Variants in NLK observed in about 807,000 individuals in gnomAD.
NLK encodes the protein nemo like kinase.
Under a neutral mutation model 59.0 loss-of-function variants are expected in NLK, and 11 were observed. The ratio of observed to expected loss-of-function variants is 0.19; its 90% CI spans 0.12 to 0.31. The LOEUF is 0.31. Among genes scored for constraint, NLK ranks in the 10% least tolerant of loss-of-function variants. The pLI is 1.00. For missense variants in NLK, 410 were observed against 661.1 expected, an observed-to-expected ratio of 0.62 and a Z score of 4.16; for synonymous variants, 235 against 235.9, an observed-to-expected ratio of 1.00 and a Z score of 0.03.
chr17:28,204,806 C>T, the NLK span, among the ~76,000 whole-genome samples: 2 of 152,140 alleles, frequency 1.3e-5, no homozygotes, highest in African/African-American at 2.4e-5. Context: ...TTTATTAACA[C>T]GAAATGATGT....
intron 8 of NLK, among the ~76,000 whole-genome samples, chr17:28,189,864 AGTATAC>A (rs1207375732): frequency 1.3e-5 from 2 of 152,274 alleles, no homozygotes; most frequent in Non-Finnish European, 2.9e-5. Flanking sequence ...AAGGTTATCA[AGTATAC>A]GTTTGCCTGT....
Position 28,191,225 on chromosome 17 carries a change from TA to T in NLK, c.1435+7del. On this transcript the variant is annotated splice_region_variant and intron_variant, in intron 9 of 10. Transcript: ENST00000407008. ...TTCTGTCCGACAGGTTAAAGGTGAG[TA>T]TCTGTTTTGGCCTTTGGCCAGGCAA... is the stretch of plus-strand genomic sequence containing the variant. The T allele has an allele frequency of 6.3e-7, 1 of 1,599,048 alleles. No homozygotes were observed. Among genetic ancestry groups the T allele is most frequent in the Non-Finnish European group, 8.5e-7 (1 of 1,173,868 alleles).
intron 2 of NLK, 53 bp downstream of exon 2, chr17:28,122,785 A>G (rs1006520516): frequency 4.4e-6 from 7 of 1,603,274 alleles, no homozygotes; most frequent in Non-Finnish European, 6.0e-6. Flanking sequence ...CCTGCATTGA[A>G]TTAGTAAAGA....
intron 1 of NLK, among the ~76,000 whole-genome samples, chr17:28,121,495 CTTTTTT>C (rs58647578): frequency 0.011 from 767 of 72,284 alleles, 5 homozygotes; most frequent in African/African-American, 0.043. Flanking sequence ...TCTTTCTTTT[CTTTTTT>C]TTTTTTTTTT....
intron 1 of NLK, among the ~76,000 whole-genome samples, chr17:28,119,867 TTC>T (rs1206511572): frequency 6.6e-6 from 1 of 152,200 alleles, no homozygotes; most frequent in Non-Finnish European, 1.5e-5. Context: ...TCTTTGTTGT[TTC>T]TGTCAAAAAT....
At chr17:28,131,153 G>A (rs538809387) in intron 2 of NLK, among the ~76,000 whole-genome samples, 42 of 152,140 alleles carry the variant, frequency 2.8e-4, no homozygotes, top group Middle Eastern at 3.4e-3. Flanking sequence ...ATGCTTGGCT[G>A]AAACAAGAAT....
intron 1 of NLK, among the ~76,000 whole-genome samples, chr17:28,104,972 A>G (rs558350402): frequency 2.6e-5 from 4 of 152,314 alleles, no homozygotes; most frequent in African/African-American, 7.2e-5. Context: ...CTGTTGCATT[A>G]TTGAATCCCA....
rs374223818 is a variant in NLK at position 28,175,429 on chromosome 17, C to T, written c.1149+2811C>T. ...TCACGCCACTGCACTCCAGCCTGGG[C>T]GACACAGCAAGACTTCGTCTCAAAA... On this transcript the variant is annotated intron_variant, in intron 7 of 10. Transcript: ENST00000407008. Among the ~76,000 whole-genome samples, 348 of 150,474 alleles carry T rather than the reference C, an allele frequency of 2.3e-3. 3 individuals carry two copies. Among genetic ancestry groups the T allele is most frequent in the African/African-American group, 8.0e-3 (327 of 40,876 alleles).
At chr17:28,202,263 G>A in the NLK span, among the ~76,000 whole-genome samples, 1 of 152,094 alleles carries the variant, frequency 6.6e-6, no homozygotes, top group Non-Finnish European at 1.5e-5. Flanking sequence ...AGCTGGACAT[G>A]GTAGTGCCTG....
At chr17:28,125,971 C>G (rs1906274839) in intron 2 of NLK, among the ~76,000 whole-genome samples, 1 of 152,150 alleles carries the variant, frequency 6.6e-6, no homozygotes. Flanking sequence ...ACGTAACTTG[C>G]CCAAGGTTAA....
chr17:28,043,172 G>A lies in NLK; in HGVS notation c.299G>A (p.Gly100Glu), dbSNP rs779792619. ...QQPYFPSPAP[G>E]QAPGPAAAAP... is the part of the protein sequence containing the mutation. Reference sequence around the variant, plus strand: ...CCATATTTCCCATCACCGGCACCGGGGCAGGCTCCTGGACCAGCTGCAGCA... The same window carrying A: ...CCATATTTCCCATCACCGGCACCGGAGCAGGCTCCTGGACCAGCTGCAGCA... The change falls in exon 1 of 11, where the codon GGG (glycine) becomes GAG (glutamate). Residue 100 changes from glycine (G) to glutamate (E), a missense_variant. Transcript: ENST00000407008. The A allele has an allele frequency of 2.5e-6, 4 of 1,613,858 alleles. No individual in the cohort carries two copies. The highest frequency in any genetic ancestry group is 3.4e-6 in the Non-Finnish European group (4 of 1,179,832).
rs534579320 is a variant in NLK, at chr17:28,130,490, G to A, written c.589-2130G>A. On this transcript the variant is annotated intron_variant, in intron 2 of 10. Transcript: ENST00000407008. ...GAACTAACAATCACAGCTAAATGCT[G>A]TAGTGCAAATGTCTATCCCTGTTTT... Among the ~76,000 whole-genome samples the A allele has an allele frequency of 3.9e-5, 6 of 152,296 alleles. No individual in the cohort carries two copies. The East Asian group carries it at 7.7e-4, about 20-fold the overall frequency.
At position 28,172,604 on chromosome 17, in the gene NLK, G is replaced by A. The variant is rs1226887078; in HGVS notation, c.1135G>A (p.Gly379Ser). ...CEGAKAHILR[G>S]PHKQPSLPVL... Reference sequence around the variant, plus strand: ...AGGCGCTAAGGCACATATACTCAGGGGTCCTCATAAACAGGTGAGAGGAGG... The same window carrying A: ...AGGCGCTAAGGCACATATACTCAGGAGTCCTCATAAACAGGTGAGAGGAGG... The change falls in exon 7 of 11, where the codon GGT (glycine) becomes AGT (serine). Residue 379 changes from glycine (G) to serine (S), a missense_variant. Transcript: ENST00000407008. 1.9e-6 allele frequency: 3 copies of A among 1,563,048 alleles called. No individual in the cohort carries two copies. The highest frequency in any genetic ancestry group is 1.7e-6 in the Non-Finnish European group (2 of 1,154,990).
At chr17:28,176,658 T>A (rs1048352010) in intron 7 of NLK, among the ~76,000 whole-genome samples, 4 of 152,230 alleles carry the variant, frequency 2.6e-5, no homozygotes, top group African/African-American at 9.6e-5. Context: ...GCAGACTTAT[T>A]AAAATTTCAT....
intron 1 of NLK, among the ~76,000 whole-genome samples, chr17:28,101,490 C>A (rs1298018273): frequency 2.0e-5 from 3 of 152,298 alleles, no homozygotes; most frequent in South Asian, 2.1e-4. Context: ...ACAAGTCTTG[C>A]ACATCTTTCA....
At position 28,172,634 on chromosome 17, in the gene NLK, A is replaced by G; in HGVS notation, c.1149+16A>G. 7.0e-7 allele frequency: 1 copy of G among 1,421,240 alleles called. No individual in the cohort carries two copies. The highest frequency in any genetic ancestry group is 9.5e-7 in the Non-Finnish European group (1 of 1,054,608). 88.0% of individuals were successfully genotyped at this position (1,421,240 alleles called of 1,614,324 possible). A position where few individuals can be genotyped will look rare whatever the true frequency, so the allele number is the denominator to read the frequency against. ...TCATAAACAGGTGAGAGGAGGGGGG[A>G]ATCTTTTTCTGGTAACCATCTGTTT... On this transcript the variant is annotated intron_variant, in intron 7 of 10. Coordinates refer to ENST00000407008, the MANE Select transcript of NLK (RefSeq NM_016231.5).
intron 5 of NLK, among the ~76,000 whole-genome samples, 185 bp downstream of exon 5, chr17:28,163,813 A>T (rs1393513790): frequency 6.6e-6 from 1 of 152,192 alleles, no homozygotes; most frequent in Non-Finnish European, 1.5e-5. Flanking sequence ...TGTTCTTTTC[A>T]TGATATTTGG....
intron 5 of NLK, among the ~76,000 whole-genome samples, chr17:28,166,835 C>CT (rs1288499802): frequency 6.6e-6 from 1 of 152,176 alleles, no homozygotes; most frequent in Non-Finnish European, 1.5e-5. Flanking sequence ...GTTAACCTGT[C>CT]TTTATTATTT....
chr17:28,052,504 G>A (rs1909293343), intron 1 of NLK, among the ~76,000 whole-genome samples: 1 of 152,066 alleles, frequency 6.6e-6, no homozygotes, highest in African/African-American at 2.4e-5. Context: ...GCCCAAAGAG[G>A]GAGAGTGACT....
Sources: gnomAD v4.1 joint callset for allele counts (sites outside exome capture counted in the v4.1 genomes callset) on GRCh38, gnomAD v4.1.1 for gene constraint, MANE v1.5 for transcripts, NCBI Gene and HGNC (gene_info 2026-07-23, HGNC 2026-07-21) for gene names.